PAFAH1B3: variants seen among roughly 807,000 people sequenced by gnomAD.
PAFAH1B3 encodes the protein platelet-activating factor acetylhydrolase IB subunit alpha1.
Under a neutral mutation model 24.4 loss-of-function variants are expected in PAFAH1B3, and 15 were observed. That is an observed-to-expected ratio of 0.62 (90% CI 0.41 to 0.95). The LOEUF is 0.95. PAFAH1B3 is among the 40% of genes least tolerant of loss of function. The pLI, the probability that PAFAH1B3 is intolerant of heterozygous loss-of-function variation, is 0.00. For synonymous variants in PAFAH1B3, 144 were observed against 126.5 expected, an observed-to-expected ratio of 1.14 and a Z score of -0.93; for missense variants, 266 against 312.2, an observed-to-expected ratio of 0.85 and a Z score of 1.12.
rs144514732 is a variant in PAFAH1B3 at position 42,299,069 on chromosome 19, T to C, written c.408+901A>G. Among the ~76,000 whole-genome samples, 1,127 of 150,822 alleles carry C rather than the reference T, an allele frequency of 7.5e-3. 15 individuals are homozygous for C. The highest frequency in any genetic ancestry group is 0.027 in the African/African-American group (1,092 of 40,984). On this transcript the variant is annotated intron_variant, in intron 4 of 4. Transcript: ENST00000262890. ...ACTTTGTGATCCACCCTCTTCAGCCTCCCAAAGTGCTGGGATTACAAGTTT... is the reference window on the plus strand; with the variant it reads ...ACTTTGTGATCCACCCTCTTCAGCCCCCCAAAGTGCTGGGATTACAAGTTT...
At chr19:42,302,158 G>A in intron 1 of PAFAH1B3, 74 bp downstream of exon 1, 10 of 1,495,784 alleles carry the variant, frequency 6.7e-6, no homozygotes, top group Non-Finnish European at 9.1e-6. Flanking sequence ...AGTGAGAGTG[G>A]CACGAACCAG....
At position 42,302,235 on chromosome 19, in the gene PAFAH1B3, G is replaced by C. The variant is rs1354827925; in HGVS notation, c.75C>G (p.Ser25=). Reference sequence around the variant, plus strand: ...TATCCCAGGTGGGAACGCTCACCAGGGACATCCAGCGCCCGTCGCCCTGTA... The same window carrying C: ...TATCCCAGGTGGGAACGCTCACCAGCGACATCCAGCGCCCGTCGCCCTGTA... ...QDVQGDGRWM[S]LHHRFVADSK... is the part of the protein sequence containing the mutation. The change falls in exon 1 of 5, where the codon TCC becomes TCG. Residue 25 remains serine, a synonymous_variant. Coordinates refer to ENST00000262890, the MANE Select transcript of PAFAH1B3 (RefSeq NM_002573.4). The C allele has an allele frequency of 6.3e-7, 1 of 1,595,038 alleles. No homozygotes were observed.
At chr19:42,297,998 C>T (rs2038563780) in intron 4 of PAFAH1B3, among the ~76,000 whole-genome samples, 1 of 151,938 alleles carries the variant, frequency 6.6e-6, no homozygotes, top group African/African-American at 2.4e-5. Context: ...AGTTCGAGAC[C>T]AACCTGGGCA....
At position 42,302,001 on chromosome 19, in the gene PAFAH1B3, G is replaced by A; in HGVS notation, c.117C>T (p.Pro39=). The stretch of plus-strand genomic sequence containing the variant: ...AGGAGTCCCCGATGAAGACGACTTC[G>A]GGTTCCTTATCTTTGCTGTCAGCCA... ...RFVADSKDKE[P]EVVFIGDSLV... The change falls in exon 2 of 5, where the codon CCC becomes CCT. Residue 39 remains proline (P), a synonymous_variant. Transcript: ENST00000262890. 6.4e-7 allele frequency: 1 copy of A among 1,570,960 alleles called. No homozygotes were observed. The highest frequency in any genetic ancestry group is 8.6e-7 in the Non-Finnish European group (1 of 1,158,252).
chr19:42,301,388 C>A (rs1178504427), intron 2 of PAFAH1B3, among the ~76,000 whole-genome samples: 1 of 152,072 alleles, frequency 6.6e-6, no homozygotes, highest in African/African-American at 2.4e-5. Flanking sequence ...CAGAGCAAGA[C>A]CCTGTCTCAA....
At chr19:42,300,133 C>G (rs1298859661) in intron 3 of PAFAH1B3, 38 bp downstream of exon 3, 1 of 1,613,790 alleles carries the variant, frequency 6.2e-7, no homozygotes, top group Non-Finnish European at 8.5e-7. Flanking sequence ...AGGGGGCAGC[C>G]AAAAGATGTT....
chr19:42,298,577 C>A (rs934860253), intron 4 of PAFAH1B3, among the ~76,000 whole-genome samples: 1 of 152,202 alleles, frequency 6.6e-6, no homozygotes, highest in African/African-American at 2.4e-5. Flanking sequence ...TCCTAGCTAC[C>A]TACAAGTGAT....
rs770393032 is a variant in PAFAH1B3 at position 42,297,315 on chromosome 19, T to C, written c.459A>G (p.Arg153=). ...QHPNPLREKN[R]QVNELVRAAL... is the part of the protein sequence containing the mutation. Reference sequence around the variant, plus strand: ...CCGCCCGTACCAGCTCGTTCACCTGTCGGTTCTTCTCCCGAAGTGGGTTGG... The same window carrying C: ...CCGCCCGTACCAGCTCGTTCACCTGCCGGTTCTTCTCCCGAAGTGGGTTGG... The change falls in exon 5 of 5, where the codon CGA becomes CGG. Residue 153 remains arginine, a synonymous_variant. Coordinates refer to ENST00000262890, the MANE Select transcript of PAFAH1B3 (RefSeq NM_002573.4). 6.2e-7 allele frequency: 1 copy of C among 1,613,190 alleles called. No homozygotes were observed. Among genetic ancestry groups the C allele is most frequent in the African/African-American group, 1.3e-5 (1 of 74,908 alleles).
At chr19:42,302,149 G>T in intron 1 of PAFAH1B3, 83 bp downstream of exon 1, 1 of 1,492,854 alleles carries the variant, frequency 6.7e-7, no homozygotes, top group Non-Finnish European at 9.1e-7. Context: ...CAATCAGGTA[G>T]TGAGAGTGGC....
rs1196417080 is a variant in PAFAH1B3 at position 42,301,954 on chromosome 19, C to T, written c.164G>A (p.Cys55Tyr). ...GGGGAGAGGGACTGCCCTCACCTCG[C>T]ACTGGTGCATGAGCTGGACCAAGGA... ...GDSLVQLMHQ[C>Y]EIWRELFSPL... Residue 55 changes from cysteine (C) to tyrosine (Y), a missense_variant, in exon 2 of 5, where the codon TGC (cysteine) becomes TAC (tyrosine). Coordinates refer to ENST00000262890, the MANE Select transcript of PAFAH1B3 (RefSeq NM_002573.4). 1 of 1,557,668 alleles carries T rather than the reference C, an allele frequency of 6.4e-7. No individual in the cohort carries two copies. Among genetic ancestry groups the T allele is most frequent in the South Asian group, 1.2e-5 (1 of 84,404 alleles).
rs772796445 is a variant in PAFAH1B3, at chr19:42,297,247, G to C, written c.527C>G (p.Pro176Arg). 4 of 1,614,032 alleles carry C rather than the reference G, an allele frequency of 2.5e-6. No individual in the cohort carries two copies. In the Admixed American group the frequency reaches 6.7e-5, roughly 27 times the overall value. The change falls in exon 5 of 5, where the codon CCT (proline) becomes CGT (arginine). Residue 176 changes from proline (P) to arginine (R), a missense_variant. Coordinates refer to ENST00000262890, the MANE Select transcript of PAFAH1B3 (RefSeq NM_002573.4). ...GGTGCCATCTGAGTGCACAAAGCCAGGGTCGGCATCTAGGAAGTGGGCCCG... is the reference window on the plus strand; with the variant it reads ...GGTGCCATCTGAGTGCACAAAGCCACGGTCGGCATCTAGGAAGTGGGCCCG... ...HPRAHFLDAD[P>R]GFVHSDGTIS...
chr19:42,297,416 T>C, intron 4 of PAFAH1B3, 51 bp from the exon 5 acceptor site: 1 of 1,549,242 alleles, frequency 6.5e-7, no homozygotes, highest in Non-Finnish European at 8.8e-7. Context: ...GAGTATCTTG[T>C]TCTCTGTGCC....
intron 4 of PAFAH1B3, among the ~76,000 whole-genome samples, chr19:42,299,169 T>A (rs1241348718): frequency 2.0e-5 from 3 of 147,942 alleles, no homozygotes; most frequent in Non-Finnish European, 4.4e-5. Flanking sequence ...CAGGCTGGAG[T>A]GCAATGGTGC....
chr19:42,302,116 C>G, intron 1 of PAFAH1B3, 77 bp from the exon 2 acceptor site: 1 of 1,495,698 alleles, frequency 6.7e-7, no homozygotes, highest in Non-Finnish European at 9.1e-7. Context: ...TAGGCAGCGC[C>G]TCCTCAACTG....
At chr19:42,297,675 G>C (rs977662588) in intron 4 of PAFAH1B3, among the ~76,000 whole-genome samples, 1 of 150,920 alleles carries the variant, frequency 6.6e-6, no homozygotes, top group South Asian at 2.1e-4. Context: ...CCAGGTTCAC[G>C]CCATTCTCCT....
In PAFAH1B3 at chr19:42,302,432, C is replaced by T. The variant is rs2038650569; in HGVS notation, c.-123G>A. On this transcript the variant is annotated 5_prime_UTR_variant, in exon 1 of 5. Transcript: ENST00000262890. ...CAACAAAGGACCGTCCCAACGCTAG[C>T]ACACCCGCGGAGGACGAAGGCCGAT... 2.3e-6 allele frequency: 2 copies of T among 855,684 alleles called. No homozygotes were observed. The highest frequency in any genetic ancestry group is 5.4e-5 in the East Asian group (2 of 37,142). The allele number at this position is 855,684 out of a possible 1,614,324, so 53.0% of individuals were successfully genotyped here.
rs1228257224 is a variant in PAFAH1B3 at position 42,302,027 on chromosome 19, C to T, written c.91G>A (p.Val31Met). 4 of 1,569,562 alleles carry T rather than the reference C, an allele frequency of 2.5e-6. No homozygotes were observed. ...GRWMSLHHRF[V>M]ADSKDKEPEV... ...GGTTCCTTATCTTTGCTGTCAGCCACGAACCGATGGTGCTGCGGGAGCGCG... is the reference window on the plus strand; with the variant it reads ...GGTTCCTTATCTTTGCTGTCAGCCATGAACCGATGGTGCTGCGGGAGCGCG... The change falls in exon 2 of 5, where the codon GTG (valine) becomes ATG (methionine). Residue 31 changes from valine (V) to methionine (M), a missense_variant. By Grantham distance (21) the Val-to-Met change is conservative. Transcript: ENST00000262890.
chr19:42,298,090 G>A (rs997828974), intron 4 of PAFAH1B3, among the ~76,000 whole-genome samples: 1 of 152,022 alleles, frequency 6.6e-6, no homozygotes, highest in Non-Finnish European at 1.5e-5. Flanking sequence ...CCAGCTACTC[G>A]GGAGGCTGAC....
intron 2 of PAFAH1B3, 25 bp downstream of exon 2, chr19:42,301,925 G>C: frequency 2.0e-6 from 3 of 1,532,506 alleles, no homozygotes; most frequent in Non-Finnish European, 2.7e-6. Context: ...GCTGGATGGG[G>C]CAGGGGGAGA....
Sources: gnomAD v4.1 joint callset for allele counts (sites outside exome capture counted in the v4.1 genomes callset) on GRCh38, gnomAD v4.1.1 for gene constraint, MANE v1.5 for transcripts, NCBI Gene and HGNC (gene_info 2026-07-23, HGNC 2026-07-21) for gene names.